Variants in CUX1 observed in about 807,000 individuals in gnomAD.
The protein encoded by CUX1 is cut like homeobox 1.
CUX1 carries 31 observed loss-of-function variants against 158.8 expected under a neutral mutation model. That is an observed-to-expected ratio of 0.20 (90% CI 0.15 to 0.26). The LOEUF is 0.26. Among genes scored for constraint, CUX1 ranks in the 10% least tolerant of loss-of-function variants. The pLI, the probability that CUX1 is intolerant of heterozygous loss-of-function variation, is 1.00. For synonymous variants in CUX1, 879 were observed against 862.1 expected (o/e 1.02, Z -0.34); for missense variants, 1,589 against 2,014.6 (o/e 0.79, Z 4.04).
intron 6 of CUX1, among the ~76,000 whole-genome samples, chr7:102,111,345 T>A (rs1363017143): frequency 3.9e-5 from 6 of 152,216 alleles, no homozygotes; most frequent in African/African-American, 1.4e-4. Flanking sequence ...AATGGATCAT[T>A]CTTCTTGCGC....
At position 101,974,718 on chromosome 7, in the gene CUX1, TGGCGTGA is replaced by T. The variant is rs1812426214; in HGVS notation, c.142-53377_142-53371del. 2.0e-5 allele frequency among the ~76,000 whole-genome samples: 3 copies of T among 152,136 alleles called. 1 individual carries two copies. The highest frequency in any genetic ancestry group is 2.0e-4 in the Admixed American group (3 of 15,274). ...CAGCTGAGGAAGGGGGCGGGCAGCT[TGGCGTGA>T]GGGGCTTTCATTCATTCCTTAGTCA... is the stretch of plus-strand genomic sequence containing the variant. On this transcript the variant is annotated intron_variant, in intron 2 of 23. Transcript: ENST00000292535.
intron 8 of CUX1, among the ~76,000 whole-genome samples, chr7:102,127,243 G>C (rs1461889066): frequency 6.6e-6 from 1 of 152,136 alleles, no homozygotes; most frequent in Non-Finnish European, 1.5e-5. Context: ...GTCTCACCCT[G>C]TCACCCAGCC....
intron 1 of CUX1, among the ~76,000 whole-genome samples, chr7:101,915,854 C>T (rs574199953): frequency 4.6e-5 from 7 of 152,102 alleles, no homozygotes; most frequent in East Asian, 1.9e-4. Context: ...TCATTTATGG[C>T]GTGCACATTG....
intron 20 of CUX1, among the ~76,000 whole-genome samples, chr7:102,211,048 C>T (rs1207667201): frequency 1.2e-4 from 18 of 152,318 alleles, no homozygotes; most frequent in Admixed American, 1.0e-3. Flanking sequence ...TCAGTCGGCT[C>T]TCCCACATTC....
chr7:102,084,035 G>T (rs1827714072), intron 4 of CUX1, among the ~76,000 whole-genome samples: 1 of 145,618 alleles, frequency 6.9e-6, no homozygotes, highest in East Asian at 1.9e-4. Context: ...ACAGGTGCCT[G>T]CCACCACACC....
rs1035843648 is a variant in CUX1, at chr7:102,250,080, G to A, written c.*1038G>A. ...AAAAAAAGAAAAAAAAAAAAGAAAA[G>A]ATCCGAATCTAGGTATTTTATAATC... On this transcript the variant is annotated 3_prime_UTR_variant, in exon 24 of 24. Coordinates refer to ENST00000292535, the MANE Select transcript of CUX1 (RefSeq NM_181552.4). 1.0e-6 allele frequency: 1 copy of A among 982,138 alleles called. No homozygotes were observed. Among genetic ancestry groups the A allele is most frequent in the African/African-American group, 1.8e-5 (1 of 56,634 alleles). 60.8% of individuals were successfully genotyped at this position (982,138 alleles called of 1,614,324 possible). A position where few individuals can be genotyped will look rare whatever the true frequency, so the allele number is the denominator to read the frequency against.
chr7:101,865,242 G>A (rs894617215), intron 1 of CUX1, among the ~76,000 whole-genome samples: 1 of 152,228 alleles, frequency 6.6e-6, no homozygotes, highest in Admixed American at 6.5e-5. Flanking sequence ...AGTCCGGTTT[G>A]TTGAGCTACA....
intron 1 of CUX1, among the ~76,000 whole-genome samples, chr7:101,856,888 TGCCAGCCGTACCACAGGCCCCGGGTGTG>T (rs2131320577): frequency 6.6e-6 from 1 of 152,312 alleles, no homozygotes; most frequent in East Asian, 1.9e-4. Flanking sequence ...CTCCCACGCC[TGCCAGCCGTACCACAGGCCCCGGGTGTG>T]AACCCTCCCT....
chr7:101,833,300 A>G (rs1216885582), intron 1 of CUX1, among the ~76,000 whole-genome samples: 2 of 151,742 alleles, frequency 1.3e-5, no homozygotes, highest in African/African-American at 4.8e-5. Context: ...TGTGATACCA[A>G]TACTTTAGGA....
intron 9 of CUX1, among the ~76,000 whole-genome samples, chr7:102,159,382 C>A (rs1790775991): frequency 1.3e-5 from 2 of 152,216 alleles, no homozygotes; most frequent in African/African-American, 4.8e-5. Flanking sequence ...TGGCAAGTAC[C>A]CAGCACAGTG....
chr7:101,913,415 T>A (rs1803735620), intron 1 of CUX1: 1 of 1,258,048 alleles, frequency 7.9e-7, no homozygotes, highest in African/African-American at 1.5e-5. Context: ...GCAGGCGCAC[T>A]GGCTCTGCAG....
intron 3 of CUX1, among the ~76,000 whole-genome samples, chr7:102,063,389 T>C (rs1438194309): frequency 7.3e-6 from 1 of 137,654 alleles, no homozygotes; most frequent in African/African-American, 2.6e-5. Flanking sequence ...TTTTCTTTTT[T>C]TTTTTTTTTT....
chr7:102,147,573 G>A (rs1259974546), intron 8 of CUX1, among the ~76,000 whole-genome samples: 1 of 152,140 alleles, frequency 6.6e-6, no homozygotes, highest in African/African-American at 2.4e-5. Context: ...ACATCTTGTA[G>A]GCTCTTTCCT....
At chr7:102,174,521 T>C (rs1364439721) in intron 10 of CUX1, among the ~76,000 whole-genome samples, 18 of 152,220 alleles carry the variant, frequency 1.2e-4, no homozygotes, top group Admixed American at 1.2e-3. Flanking sequence ...AGGCCGCTGC[T>C]TCTCATCCAG....
intron 2 of CUX1, among the ~76,000 whole-genome samples, chr7:101,918,864 C>A (rs559600182): frequency 6.6e-6 from 1 of 152,294 alleles, no homozygotes; most frequent in Admixed American, 6.5e-5. Flanking sequence ...CTCACTGCAA[C>A]CTCCGCCTCC....
intron 1 of CUX1, among the ~76,000 whole-genome samples, chr7:101,906,469 G>A (rs1296857843): frequency 2.6e-5 from 4 of 151,936 alleles, no homozygotes; most frequent in Admixed American, 2.0e-4. Flanking sequence ...GTTCTCTGGG[G>A]ACACTAGGGG....
Position 102,064,344 on chromosome 7 carries a change from C to T in CUX1, c.190-5995C>T, listed in dbSNP as rs534198996. Among the ~76,000 whole-genome samples the T allele has an allele frequency of 5.1e-4, 78 of 152,274 alleles. 1 individual carries two copies. Among genetic ancestry groups the T allele is most frequent in the Middle Eastern group, 6.8e-3 (2 of 294 alleles). On this transcript the variant is annotated intron_variant, in intron 3 of 23. Transcript: ENST00000292535. ...GGATTACAGGCATGAGCAACGGTGC[C>T]GGCTCTAAATGGTTTTAAGGGCACG...
chr7:102,114,622 A>G (rs1831257672), intron 7 of CUX1, among the ~76,000 whole-genome samples: 2 of 152,206 alleles, frequency 1.3e-5, no homozygotes, highest in Non-Finnish European at 2.9e-5. Flanking sequence ...CCACACCTGT[A>G]ATCCCAGCCC....
intron 21 of CUX1, among the ~76,000 whole-genome samples, chr7:102,228,131 AGTAGAG>A (rs1296406535): frequency 1.3e-5 from 2 of 151,434 alleles, no homozygotes; most frequent in African/African-American, 4.8e-5. Context: ...TTGTATTTTC[AGTAGAG>A]GTGGGGTTTC....
Sources: gnomAD v4.1 joint callset for allele counts (sites outside exome capture counted in the v4.1 genomes callset) on GRCh38, gnomAD v4.1.1 for gene constraint, MANE v1.5 for transcripts, NCBI Gene and HGNC (gene_info 2026-07-23, HGNC 2026-07-21) for gene names.